Variants in PXK observed in about 807,000 individuals in gnomAD.
PXK encodes the protein PX domain-containing protein kinase-like protein.
PXK carries 35 observed loss-of-function variants against 84.7 expected under a neutral mutation model. That is an observed-to-expected ratio of 0.41 (90% CI 0.32 to 0.55). The LOEUF (loss-of-function observed/expected upper bound fraction) is 0.55, where lower values mean the gene tolerates loss of function less well. Among genes scored for constraint, PXK ranks in the 20% least tolerant of loss-of-function variants. The probability of loss-of-function intolerance (pLI) is 0.21; values close to 1 mark genes in which losing one functional copy is unlikely to be tolerated. For synonymous variants in PXK, 253 were observed against 260.8 expected, an observed-to-expected ratio of 0.97 and a Z score of 0.29; for missense variants, 634 against 699.7, an observed-to-expected ratio of 0.91 and a Z score of 1.06.
At position 58,411,867 on chromosome 3, in the gene PXK, A is replaced by G. The variant is rs1331310013; in HGVS notation, c.1466-1034A>G. 1.3e-5 allele frequency among the ~76,000 whole-genome samples: 2 copies of G among 152,136 alleles called. No homozygotes were observed. Among genetic ancestry groups the G allele is most frequent in the African/African-American group, 4.8e-5 (2 of 41,436 alleles). On this transcript the variant is annotated intron_variant, in intron 16 of 17. Transcript: ENST00000356151. The surrounding 1 kb of genome is among the most constrained non-coding windows in gnomAD (Gnocchi z 4.2). The stretch of plus-strand genomic sequence containing the variant: ...CCTCCTTTTTCAGTAAAACACCCTC[A>G]TATTTTATAGGGAACTGAGGGAATA...
rs2058371036 is a variant in PXK, at chr3:58,400,367, C to A, written c.1181+990C>A. Among the ~76,000 whole-genome samples the A allele has an allele frequency of 6.6e-6, 1 of 152,054 alleles. No homozygotes were observed. Among genetic ancestry groups the A allele is most frequent in the Non-Finnish European group, 1.5e-5 (1 of 68,016 alleles). On this transcript the variant is annotated intron_variant, in intron 12 of 17. Transcript: ENST00000356151. This position sits in a 1 kb window ranked among gnomAD's most constrained non-coding sequence, Gnocchi z 4.0. ...TTATATAACAGATATACTCTGAAAA[C>A]AATAATATGGGGAAACGAGGCAGGG...
At chr3:58,362,405 G>A (rs746761087) in intron 1 of PXK, among the ~76,000 whole-genome samples, 16 of 152,088 alleles carry the variant, frequency 1.1e-4, no homozygotes, top group Admixed American at 2.6e-4. Flanking sequence ...TTAGGTTGAG[G>A]TTCATTTCAT....
At chr3:58,381,152 G>A (rs1464051483) in intron 3 of PXK, among the ~76,000 whole-genome samples, 5 of 151,706 alleles carry the variant, frequency 3.3e-5, no homozygotes, top group African/African-American at 1.2e-4. Flanking sequence ...GGGAGGCTGA[G>A]GCAGGAGAAT....
intron 17 of PXK, chr3:58,422,761 G>A (rs569119014): frequency 1.2e-4 from 123 of 985,294 alleles, no homozygotes; most frequent in Non-Finnish European, 1.3e-4. Flanking sequence ...CCTGAGGCCC[G>A]TCTCCAGCCC....
At chr3:58,420,296 G>T (rs937619171) in intron 17 of PXK, among the ~76,000 whole-genome samples, 1 of 152,302 alleles carries the variant, frequency 6.6e-6, no homozygotes, top group Non-Finnish European at 1.5e-5. Flanking sequence ...TCATTAGGTG[G>T]CTCAAAAAGC....
intron 1 of PXK, among the ~76,000 whole-genome samples, chr3:58,343,929 G>A (rs1478176037): frequency 6.6e-6 from 1 of 152,154 alleles, no homozygotes; most frequent in South Asian, 2.1e-4. Flanking sequence ...AATTCCCATA[G>A]AGTATATCTG....
rs117250857 is a variant in PXK at position 58,415,152 on chromosome 3, G to T, written c.1528+2189G>T. 1.7e-3 allele frequency among the ~76,000 whole-genome samples: 256 copies of T among 152,282 alleles called. 4 individuals are homozygous for T. Among genetic ancestry groups the T allele is most frequent in the East Asian group, 0.015 (78 of 5,182 alleles). On this transcript the variant is annotated intron_variant, in intron 17 of 17. Coordinates refer to ENST00000356151, the MANE Select transcript of PXK (RefSeq NM_017771.5). ...ACAGACTTCTGTGACCAAATGTCAG[G>T]GTGTGGGGGAGTGGTTCTGTCCACC...
chr3:58,422,689 C>T, intron 17 of PXK: 1 of 985,338 alleles, frequency 1.0e-6, no homozygotes, highest in South Asian at 4.7e-5. Flanking sequence ...AGGGTTGGTT[C>T]TCTGTGAGGC....
chr3:58,393,673 T>C (rs2098653701), intron 7 of PXK, among the ~76,000 whole-genome samples: 1 of 152,178 alleles, frequency 6.6e-6, no homozygotes, highest in Non-Finnish European at 1.5e-5. Context: ...ATGAACAATT[T>C]TTGCTAAACA....
At chr3:58,388,715 T>A (rs2098592359) in intron 4 of PXK, among the ~76,000 whole-genome samples, 1 of 152,224 alleles carries the variant, frequency 6.6e-6, no homozygotes, top group Non-Finnish European at 1.5e-5. Context: ...AATGACACTT[T>A]ACATATTGAG....
At chr3:58,422,898 G>T (rs939857725) in intron 17 of PXK, 8 of 985,310 alleles carry the variant, frequency 8.1e-6, no homozygotes, top group Non-Finnish European at 9.6e-6. Flanking sequence ...TCTGCCGGGG[G>T]TCAAAGCACA....
Position 58,425,307 on chromosome 3 carries a change from A to G in PXK, c.*347A>G, listed in dbSNP as rs1436453344. On this transcript the variant is annotated 3_prime_UTR_variant, in exon 18 of 18. Coordinates refer to ENST00000356151, the MANE Select transcript of PXK (RefSeq NM_017771.5). Reference sequence around the variant, plus strand: ...TGACAATATTCAATCACAGCAGTAAATGGCCTTTGTGTTGCAATCCCTTCT... The same window carrying G: ...TGACAATATTCAATCACAGCAGTAAGTGGCCTTTGTGTTGCAATCCCTTCT... 2 of 266,084 alleles carry G rather than the reference A, an allele frequency of 7.5e-6. No individual in the cohort carries two copies. The highest frequency in any genetic ancestry group is 1.3e-3 in the Middle Eastern group (1 of 746). The allele number at this position is 266,084 out of a possible 1,614,324, so 16.5% of individuals were successfully genotyped here.
chr3:58,367,819 A>G (rs2098297528), intron 2 of PXK, among the ~76,000 whole-genome samples: 5 of 152,126 alleles, frequency 3.3e-5, no homozygotes, highest in Admixed American at 3.3e-4. Flanking sequence ...AGTAGCTGGA[A>G]CTATAGGCAG....
chr3:58,404,114 T>G (rs1311007174), intron 13 of PXK, among the ~76,000 whole-genome samples: 1 of 152,122 alleles, frequency 6.6e-6, no homozygotes, highest in African/African-American at 2.4e-5. Context: ...ATAAAGACAT[T>G]GTAGTAATAT....
Position 58,425,074 on chromosome 3 carries a change from G to A in PXK, c.*114G>A. ...TGCTGAGCCAGTACAGCCACAAACA[G>A]TACTATTTTGCAGATGCTCATGTAA... is the stretch of plus-strand genomic sequence containing the variant. On this transcript the variant is annotated 3_prime_UTR_variant, in exon 18 of 18. Transcript: ENST00000356151. The A allele has an allele frequency of 1.4e-6, 2 of 1,430,294 alleles. No individual in the cohort carries two copies. The highest frequency in any genetic ancestry group is 1.4e-5 in the South Asian group (1 of 69,536). 88.6% of individuals were successfully genotyped at this position (1,430,294 alleles called of 1,614,324 possible).
At position 58,399,231 on chromosome 3, in the gene PXK, C is replaced by T; in HGVS notation, c.1103-68C>T. ...ACAGTTATTGCAAAGTGGTGTTAAA[C>T]TTTTCATCAGCAAGTGGATTTGCCA... On this transcript the variant is annotated intron_variant, in intron 11 of 17. Coordinates refer to ENST00000356151, the MANE Select transcript of PXK (RefSeq NM_017771.5). The surrounding 1 kb of genome is among the most constrained non-coding windows in gnomAD (Gnocchi z 4.3). 7.0e-7 allele frequency: 1 copy of T among 1,430,274 alleles called. No homozygotes were observed. Among genetic ancestry groups the T allele is most frequent in the Non-Finnish European group, 9.9e-7 (1 of 1,015,002 alleles). The allele number at this position is 1,430,274 out of a possible 1,614,324, so 88.6% of individuals were successfully genotyped here. A position where few individuals can be genotyped will look rare whatever the true frequency, so the allele number is the denominator to read the frequency against.
At chr3:58,353,298 C>G (rs1018301651) in intron 1 of PXK, among the ~76,000 whole-genome samples, 4 of 152,104 alleles carry the variant, frequency 2.6e-5, no homozygotes, top group South Asian at 4.1e-4. Context: ...TGCCCGGTCT[C>G]TATGAATTAG....
rs564898479 is a variant in PXK at position 58,424,777 on chromosome 3, T to C, written c.1554T>C (p.Pro518=). 3.7e-6 allele frequency: 6 copies of C among 1,613,778 alleles called. No individual in the cohort carries two copies. The African/African-American group carries it at 8.0e-5, about 22-fold the overall frequency. The change falls in exon 18 of 18, where the codon CCT becomes CCC. Residue 518 remains proline (P), a synonymous_variant. Coordinates refer to ENST00000356151, the MANE Select transcript of PXK (RefSeq NM_017771.5). ...TSGISALPPP[P]PPPPPPAAPL... ...GGATATCTGCATTACCTCCACCTCC[T>C]CCACCTCCACCACCACCAGCAGCTC...
chr3:58,397,851 T>A lies in PXK; in HGVS notation c.1102+129T>A. 2 of 711,664 alleles carry A rather than the reference T, an allele frequency of 2.8e-6. No homozygotes were observed. The highest frequency in any genetic ancestry group is 4.6e-6 in the Non-Finnish European group (2 of 431,908). The allele number at this position is 711,664 out of a possible 1,614,324, so 44.1% of individuals were successfully genotyped here. A position where few individuals can be genotyped will look rare whatever the true frequency, so the allele number is the denominator to read the frequency against. ...CACAGCCAGAAATTCTTACAAAATT[T>A]AAAAGTAGACCAAATTTGAGTAGTT... is the stretch of plus-strand genomic sequence containing the variant. On this transcript the variant is annotated intron_variant, in intron 11 of 17. Transcript: ENST00000356151. The surrounding 1 kb of genome is among the most constrained non-coding windows in gnomAD (Gnocchi z 4.7).
Sources: allele counts gnomAD v4.1 joint callset (sites outside exome capture counted in the v4.1 genomes callset), GRCh38; gene constraint gnomAD v4.1.1; non-coding constraint Gnocchi (gnomAD v3.1); transcripts MANE v1.5; gene names NCBI Gene and HGNC (gene_info 2026-07-23, HGNC 2026-07-21).